The following HHLA2 variants were observed in gnomAD, a reference collection of about 807,000 sequenced individuals.
The protein encoded by HHLA2 is HERV-H LTR-associating protein 2.
In HHLA2, 48 loss-of-function variants were observed where a neutral mutation model predicts 45.9. The observed-to-expected ratio is 1.05, with a 90% CI of 0.83 to 1.33. The LOEUF is 1.33. Ranked by LOEUF, HHLA2 falls within the 40% of genes most tolerant of loss-of-function variation. HHLA2 has a pLI of 0.00. For missense variants in HHLA2, 462 were observed against 494.3 expected (o/e 0.93, Z 0.62); for synonymous variants, 161 against 173.9 (o/e 0.93, Z 0.59).
At chr3:108,329,754 T>A (rs1007275260) in intron 3 of HHLA2, among the ~76,000 whole-genome samples, 1 of 152,168 alleles carries the variant, frequency 6.6e-6, no homozygotes, top group African/African-American at 2.4e-5. Context: ...TCTCCCGTAT[T>A]GCTATGGAAG....
chr3:108,363,177 C>G (rs969925567), intron 8 of HHLA2, among the ~76,000 whole-genome samples: 1 of 152,018 alleles, frequency 6.6e-6, no homozygotes, highest in Non-Finnish European at 1.5e-5. Flanking sequence ...GCTTTTAGTA[C>G]CAGAATTTTG....
chr3:108,321,989 T>C (rs186036142), intron 2 of HHLA2, among the ~76,000 whole-genome samples: 3 of 152,338 alleles, frequency 2.0e-5, no homozygotes, highest in East Asian at 3.9e-4. Flanking sequence ...ATGTTAGTTA[T>C]AGTTTTATTT....
chr3:108,368,865 G>A (rs1453199379), intron 8 of HHLA2, among the ~76,000 whole-genome samples: 4 of 152,090 alleles, frequency 2.6e-5, no homozygotes, highest in Admixed American at 2.6e-4. Flanking sequence ...ACTCAGCTCT[G>A]GACTAAGCGG....
At chr3:108,319,236 T>C (rs1044047230) in intron 2 of HHLA2, among the ~76,000 whole-genome samples, 1 of 151,802 alleles carries the variant, frequency 6.6e-6, no homozygotes, top group African/African-American at 2.4e-5. Flanking sequence ...TCACACCACA[T>C]CATGTACTTG....
At position 108,376,513 on chromosome 3, in the gene HHLA2, G is replaced by T. The variant is rs371340278; in HGVS notation, c.1180G>T (p.Gly394Cys). The T allele has an allele frequency of 2.5e-6, 4 of 1,608,858 alleles. No individual in the cohort carries two copies. The African/African-American group carries it at 5.4e-5, about 22-fold the overall frequency. ...TGTAGAAAGATGTTGTGTCCCTCCT[G>T]GTGAGCGCTGTCCCAGTGCACCCGA... Residue 394 changes from glycine to cysteine, a missense_variant, in exon 10 of 11, where the codon GGT becomes TGT. Physicochemically the swap from Gly to Cys is radical, Grantham distance 159. Around this residue, in one of 3 missense-constraint regions of HHLA2, gnomAD observed 123 missense variants for 110.5 expected, o/e 1.11. Coordinates refer to ENST00000619531, the Ensembl canonical transcript of HHLA2.
At chr3:108,362,346 G>T in exon 8 of HHLA2, 1 of 1,602,316 alleles carries the variant, frequency 6.2e-7, no homozygotes, top group Non-Finnish European at 8.5e-7. Context: ...TTTTAGAACC[G>T]AGCCAAGAAA....
intron 1 of HHLA2, among the ~76,000 whole-genome samples, chr3:108,299,682 G>A (rs1451713863): frequency 6.6e-6 from 1 of 152,064 alleles, no homozygotes; most frequent in African/African-American, 2.4e-5. Flanking sequence ...AGGAGGAAGG[G>A]ACATAGAAAA....
intron 1 of HHLA2, among the ~76,000 whole-genome samples, chr3:108,304,581 T>C (rs2080898517): frequency 6.6e-6 from 1 of 152,176 alleles, no homozygotes; most frequent in African/African-American, 2.4e-5. Flanking sequence ...AAGCTCCCAT[T>C]CTGAGGTTCT....
At chr3:108,320,579 C>T (rs1434954434) in intron 2 of HHLA2, among the ~76,000 whole-genome samples, 1 of 152,104 alleles carries the variant, frequency 6.6e-6, no homozygotes, top group African/African-American at 2.4e-5. Context: ...TGGTTTTCTT[C>T]ATAGTTTTCA....
intron 6 of HHLA2, among the ~76,000 whole-genome samples, chr3:108,357,391 T>C (rs2081912273): frequency 1.3e-5 from 2 of 152,132 alleles, no homozygotes; most frequent in African/African-American, 4.8e-5. Context: ...AAAGAGATTT[T>C]GTCTAGAAAA....
At chr3:108,357,128 T>C (rs1248134912) in intron 6 of HHLA2, among the ~76,000 whole-genome samples, 1 of 152,150 alleles carries the variant, frequency 6.6e-6, no homozygotes, top group East Asian at 1.9e-4. Flanking sequence ...AGAGAGGCCC[T>C]GGATTTGCCT....
rs115617453 is a variant in HHLA2 at position 108,344,515 on chromosome 3, G to A, written c.-26-7273G>A. Among the ~76,000 whole-genome samples, 1,034 of 152,216 alleles carry A rather than the reference G, an allele frequency of 6.8e-3. 6 individuals carry two copies. Among genetic ancestry groups the A allele is most frequent in the African/African-American group, 0.023 (955 of 41,544 alleles). On this transcript the variant is annotated intron_variant, in intron 3 of 10. Transcript: ENST00000619531. The stretch of plus-strand genomic sequence containing the variant: ...ATTTAATCAATTAACATAACATTTT[G>A]TTAAATTATTTGATGATAACCCACT...
chr3:108,361,075 C>A (rs758914865), intron 7 of HHLA2, among the ~76,000 whole-genome samples: 1 of 152,176 alleles, frequency 6.6e-6, no homozygotes, highest in African/African-American at 2.4e-5. Context: ...AACCCAGGGT[C>A]TCTGGAGTCC....
At chr3:108,306,284 T>C (rs2080927700) in intron 1 of HHLA2, among the ~76,000 whole-genome samples, 1 of 152,264 alleles carries the variant, frequency 6.6e-6, no homozygotes, top group East Asian at 1.9e-4. Flanking sequence ...CTGCTTCTTG[T>C]AGAACGTGAT....
chr3:108,342,299 C>T (rs9881032), intron 3 of HHLA2, among the ~76,000 whole-genome samples: 94,500 of 136,718 alleles, frequency 0.69, 32,645 homozygotes, highest in African/African-American at 0.77. Context: ...GTTTTACTCT[C>T]GTCACCCAGG....
intron 2 of HHLA2, among the ~76,000 whole-genome samples, chr3:108,318,241 T>G (rs2081137491): frequency 6.6e-6 from 1 of 152,108 alleles, no homozygotes; most frequent in African/African-American, 2.4e-5. Flanking sequence ...ATTTGGTCCT[T>G]ATGGAGCAAT....
intron 2 of HHLA2, among the ~76,000 whole-genome samples, chr3:108,321,356 G>C (rs940473366): frequency 1.3e-5 from 2 of 152,162 alleles, no homozygotes; most frequent in African/African-American, 4.8e-5. Flanking sequence ...GAAAAGAGAG[G>C]ATGGGTAATA....
At chr3:108,328,676 GGGCAGTTAGGAGT>G (rs1379642937) in intron 3 of HHLA2, among the ~76,000 whole-genome samples, 1 of 152,106 alleles carries the variant, frequency 6.6e-6, no homozygotes, top group African/African-American at 2.4e-5. Flanking sequence ...TTATGGGGGA[GGGCAGTTAGGAGT>G]GGCGTTTTTT....
At chr3:108,364,331 T>C (rs968130343) in intron 8 of HHLA2, among the ~76,000 whole-genome samples, 1 of 152,250 alleles carries the variant, frequency 6.6e-6, no homozygotes, top group Non-Finnish European at 1.5e-5. Flanking sequence ...ACTCATTCTT[T>C]TTTATGACTG....
Sources: gnomAD v4.1 joint callset for allele counts (sites outside exome capture counted in the v4.1 genomes callset) on GRCh38, gnomAD v4.1.1 for gene constraint, gnomAD v4.1.1 regional missense constraint, MANE v1.5 for transcripts, NCBI Gene and HGNC (gene_info 2026-07-23, HGNC 2026-07-21) for gene names.